The following ANKRD62 variants were observed in gnomAD, a reference collection of about 807,000 sequenced individuals.
ANKRD62 encodes ankyrin repeat domain 62, also known as ankyrin repeat domain-containing protein 62.
ANKRD62 carries 61 observed loss-of-function variants against 98.8 expected under a neutral mutation model. The observed-to-expected ratio is 0.62, with a 90% CI of 0.50 to 0.76. The LOEUF (loss-of-function observed/expected upper bound fraction) is 0.76, where lower values mean the gene tolerates loss of function less well. Ranked by LOEUF, ANKRD62 falls within the 30% of genes least tolerant of loss-of-function variation. The pLI is 0.00. For missense variants in ANKRD62, 933 were observed against 1,082.9 expected (o/e 0.86, Z 1.94); for synonymous variants, 341 against 367.9 (o/e 0.93, Z 0.84).
At chr18:12,170,428 A>G in the ANKRD62 span, among the ~76,000 whole-genome samples, 1 of 152,118 alleles carries the variant, frequency 6.6e-6, no homozygotes, top group Non-Finnish European at 1.5e-5. Flanking sequence ...GTTTCGATGT[A>G]GTTGTGTGGT....
intron 10 of ANKRD62, among the ~76,000 whole-genome samples, chr18:12,118,587 A>G (rs1161109810): frequency 6.8e-6 from 1 of 146,732 alleles, no homozygotes; most frequent in African/African-American, 2.5e-5. Flanking sequence ...CCAGTCTCGG[A>G]GACAGAGTAA....
chr18:12,127,423 C>T (rs1909916247), intron 13 of ANKRD62, among the ~76,000 whole-genome samples: 1 of 152,226 alleles, frequency 6.6e-6, no homozygotes, highest in African/African-American at 2.4e-5. Flanking sequence ...AGACGGAAAA[C>T]ACTGCAGTGT....
Position 12,096,286 on chromosome 18 carries a change from A to G in ANKRD62, c.598A>G (p.Ile200Val), listed in dbSNP as rs1909181139. The change falls in exon 4 of 14, where the codon ATA (isoleucine) becomes GTA (valine). Residue 200 changes from isoleucine to valine, a missense_variant. Transcript: ENST00000587848. ...GAAGAAAAAACCAGATTTAACTGCA[A>G]TAGATAATTTTGGAAGGTACAGTAG... ...LLKKKPDLTA[I>V]DNFGRTALIL... 1.3e-6 allele frequency: 2 copies of G among 1,529,360 alleles called. No individual in the cohort carries two copies. The highest frequency in any genetic ancestry group is 1.8e-6 in the Non-Finnish European group (2 of 1,140,970). The allele number at this position is 1,529,360 out of a possible 1,614,324, so 94.7% of individuals were successfully genotyped here.
At chr18:12,135,199 C>T in the ANKRD62 span, among the ~76,000 whole-genome samples, 1 of 117,092 alleles carries the variant, frequency 8.5e-6, no homozygotes, top group African/African-American at 3.4e-5. Flanking sequence ...CCCCTCCCCC[C>T]ACCCCACAAC....
At chr18:12,163,276 T>G in the ANKRD62 span, among the ~76,000 whole-genome samples, 1 of 152,092 alleles carries the variant, frequency 6.6e-6, no homozygotes, top group Non-Finnish European at 1.5e-5. Context: ...GAAAATGAGA[T>G]TACCTTTTTG....
chr18:12,118,643 T>A (rs942105336), intron 10 of ANKRD62, among the ~76,000 whole-genome samples: 1 of 151,938 alleles, frequency 6.6e-6, no homozygotes, highest in African/African-American at 2.4e-5. Flanking sequence ...GAAAGTAGCC[T>A]TTTTAGGTTG....
chr18:12,140,541 C>T, the ANKRD62 span, among the ~76,000 whole-genome samples: 19 of 151,788 alleles, frequency 1.3e-4, 1 homozygote, highest in South Asian at 3.6e-3. Context: ...GATGTCCTTT[C>T]TGTTTGTTAG....
At chr18:12,140,489 T>C in the ANKRD62 span, among the ~76,000 whole-genome samples, 1 of 152,218 alleles carries the variant, frequency 6.6e-6, no homozygotes, top group African/African-American at 2.4e-5. Context: ...TATCTACCTT[T>C]GGTCTTTGAC....
At chr18:12,131,080 T>TTC (rs552706736), downstream of ANKRD62, among the ~76,000 whole-genome samples, 8 of 152,338 alleles carry the variant, frequency 5.3e-5, no homozygotes, top group East Asian at 1.5e-3. Flanking sequence ...GTGTGGACCT[T>TTC]TCCCGTTGTG....
the ANKRD62 span, among the ~76,000 whole-genome samples, chr18:12,150,601 A>C: frequency 0.019 from 2,882 of 152,328 alleles, 84 homozygotes; most frequent in African/African-American, 0.065. Flanking sequence ...AACAGTAGAC[A>C]TCTTAGCTGA....
rs7243248 is a variant in ANKRD62 at position 12,125,658 on chromosome 18, G to A, written c.1837G>A (p.Ala613Thr). Reference sequence around the variant, plus strand: ...AAAGACTCTCAAGCGGAATGAGGAAGCATTAACAAAAACAATAACCCGGTA... The same window carrying A: ...AAAGACTCTCAAGCGGAATGAGGAAACATTAACAAAAACAATAACCCGGTA... ...LEKTLKRNEE[A>T]LTKTITRYSK... The change falls in exon 13 of 14, where the codon GCA (alanine) becomes ACA (threonine). Residue 613 changes from alanine to threonine, a missense_variant. Physicochemically the swap from Ala to Thr is moderately conservative, Grantham distance 58. Coordinates refer to ENST00000587848, the MANE Select transcript of ANKRD62 (RefSeq NM_001277333.2). 0.64 allele frequency: 974,012 copies of A among 1,530,944 alleles called. 314,707 individuals carry two copies. Among genetic ancestry groups the A allele is most frequent in the Middle Eastern group, 0.7 (4,171 of 5,948 alleles). The allele number at this position is 1,530,944 out of a possible 1,614,324, so 94.8% of individuals were successfully genotyped here.
the ANKRD62 span, among the ~76,000 whole-genome samples, chr18:12,173,347 C>T: frequency 6.6e-6 from 1 of 152,224 alleles, no homozygotes. Context: ...TTTGCTTGGT[C>T]GATTTTTCTC....
At position 12,099,659 on chromosome 18, in the gene ANKRD62, A is replaced by C; in HGVS notation, c.797A>C (p.Lys266Thr). 7 of 1,492,854 alleles carry C rather than the reference A, an allele frequency of 4.7e-6. No individual in the cohort carries two copies. The highest frequency in any genetic ancestry group is 6.2e-6 in the Non-Finnish European group (7 of 1,122,332). The allele number at this position is 1,492,854 out of a possible 1,614,324, so 92.5% of individuals were successfully genotyped here. A position where few individuals can be genotyped will look rare whatever the true frequency, so the allele number is the denominator to read the frequency against. ...GAATATAAAGCAAACAAGAGATGTA[A>C]AAGTCTTCAAAATAGCAATTCAGGT... ...ISEYKANKRC[K>T]SLQNSNSEQD... is the part of the protein sequence containing the mutation. Residue 266 changes from lysine (K) to threonine (T), a missense_variant, in exon 6 of 14, where the codon AAA becomes ACA. Lys to Thr is a moderately conservative substitution (Grantham distance 78). This residue lies in a region of ANKRD62 where 549 missense variants were observed against 587.9 expected (regional missense o/e 0.93). Transcript: ENST00000587848.
chr18:12,175,431 A>C, the ANKRD62 span, among the ~76,000 whole-genome samples: 1 of 152,132 alleles, frequency 6.6e-6, no homozygotes, highest in Non-Finnish European at 1.5e-5. Flanking sequence ...GTATGCACAC[A>C]TGCATGTGGG....
In ANKRD62 at chr18:12,122,299, A is replaced by G. The variant is rs1269277001; in HGVS notation, c.1241-4A>G. ...ATCTCTATTTTGTCTTCTCCTGGTAACAGATTTTGTTAGCCTATCGAAAAG... is the reference window on the plus strand; with the variant it reads ...ATCTCTATTTTGTCTTCTCCTGGTAGCAGATTTTGTTAGCCTATCGAAAAG... On this transcript the variant is annotated splice_region_variant and splice_polypyrimidine_tract_variant and intron_variant, in intron 10 of 13. Coordinates refer to ENST00000587848, the MANE Select transcript of ANKRD62 (RefSeq NM_001277333.2). 3.3e-6 allele frequency: 5 copies of G among 1,531,418 alleles called. No homozygotes were observed. Among genetic ancestry groups the G allele is most frequent in the Non-Finnish European group, 4.4e-6 (5 of 1,145,534 alleles). The allele number at this position is 1,531,418 out of a possible 1,614,324, so 94.9% of individuals were successfully genotyped here. A position where few individuals can be genotyped will look rare whatever the true frequency, so the allele number is the denominator to read the frequency against.
chr18:12,156,497 C>T, the ANKRD62 span, among the ~76,000 whole-genome samples: 3 of 151,856 alleles, frequency 2.0e-5, no homozygotes, highest in Non-Finnish European at 2.9e-5. Flanking sequence ...TGAGTCAGGA[C>T]GTTGATTTAG....
intron 11 of ANKRD62, 99 bp from the exon 12 acceptor site, chr18:12,124,038 A>G (rs373061992): frequency 1.5e-5 from 9 of 583,904 alleles, no homozygotes; most frequent in East Asian, 1.0e-4. Flanking sequence ...AACTAGAAAG[A>G]AAAAATATTC....
In ANKRD62 at chr18:12,128,391, CT is replaced by C. The variant is rs1909937123; in HGVS notation, c.*453del. The C allele has an allele frequency of 6.6e-6, 1 of 152,366 alleles. No homozygotes were observed. Among genetic ancestry groups the C allele is most frequent in the African/African-American group, 2.4e-5 (1 of 41,434 alleles). 9.4% of individuals were successfully genotyped at this position (152,366 alleles called of 1,614,324 possible). On this transcript the variant is annotated 3_prime_UTR_variant, in exon 14 of 14. Transcript: ENST00000587848. ...ATTAGTATTTTGATGAAAATCCTTG[CT>C]CTGACTTTATATTGGTCTATAGTCA...
intron 8 of ANKRD62, among the ~76,000 whole-genome samples, chr18:12,112,760 A>G (rs188185815): frequency 1.6e-4 from 25 of 152,344 alleles, no homozygotes; most frequent in African/African-American, 5.8e-4. Flanking sequence ...AGAAACTGTC[A>G]TCAGACTGAA....
Sources: gnomAD v4.1 joint callset for allele counts (sites outside exome capture counted in the v4.1 genomes callset) on GRCh38, gnomAD v4.1.1 for gene constraint, gnomAD v4.1.1 regional missense constraint, MANE v1.5 for transcripts, NCBI Gene and HGNC (gene_info 2026-07-23, HGNC 2026-07-21) for gene names.